Variants in CAPN7 observed in about 807,000 individuals in gnomAD.
CAPN7 encodes calpain-7.
A neutral mutation model predicts 115.2 loss-of-function variants in CAPN7; 72 were observed. The ratio of observed to expected loss-of-function variants is 0.63; its 90% confidence interval spans 0.52 to 0.76. The LOEUF (loss-of-function observed/expected upper bound fraction) is 0.76. Among genes scored for constraint, CAPN7 ranks in the 30% least tolerant of loss-of-function variants. The pLI is 0.00. For missense variants in CAPN7, 905 were observed against 971.5 expected, an observed-to-expected ratio of 0.93 and a Z score of 0.91; for synonymous variants, 344 against 322.3, an observed-to-expected ratio of 1.07 and a Z score of -0.72.
intron 4 of CAPN7, 53 bp from the exon 5 acceptor site, chr3:15,220,728 G>C: frequency 1.3e-6 from 2 of 1,552,836 alleles, no homozygotes; most frequent in South Asian, 1.1e-5. Flanking sequence ...TTCCTGAAAA[G>C]CTTAAATGTG....
intron 9 of CAPN7, among the ~76,000 whole-genome samples, chr3:15,231,367 C>G (rs1348854856): frequency 6.6e-6 from 1 of 152,134 alleles, no homozygotes; most frequent in Non-Finnish European, 1.5e-5. Flanking sequence ...AGAATACTCT[C>G]TGAGAGCCAT....
chr3:15,238,947 T>A (rs1459189970), intron 12 of CAPN7, among the ~76,000 whole-genome samples: 2 of 151,318 alleles, frequency 1.3e-5, no homozygotes, highest in African/African-American at 2.4e-5. Context: ...TATCTTGGTG[T>A]CCTTGAATAT....
At chr3:15,238,995 A>G (rs1695181897) in intron 12 of CAPN7, among the ~76,000 whole-genome samples, 2 of 151,988 alleles carry the variant, frequency 1.3e-5, no homozygotes, top group South Asian at 4.1e-4. Context: ...AAGCTTAGCA[A>G]CAATTTGCTC....
At chr3:15,210,461 A>C (rs946155928) in intron 1 of CAPN7, among the ~76,000 whole-genome samples, 3 of 150,290 alleles carry the variant, frequency 2.0e-5, no homozygotes, top group East Asian at 1.9e-4. Flanking sequence ...TAATGTTTAC[A>C]TGTAAAGTTA....
Position 15,240,583 on chromosome 3 carries a change from C to T in CAPN7, c.1518C>T (p.Asn506=), listed in dbSNP as rs1336650355. 6.2e-7 allele frequency: 1 copy of T among 1,611,908 alleles called. No individual in the cohort carries two copies. Among genetic ancestry groups the T allele is most frequent in the African/African-American group, 1.3e-5 (1 of 74,736 alleles). Residue 506 remains asparagine (N), a synonymous_variant, in exon 13 of 21, where the codon AAC becomes AAT. Coordinates refer to ENST00000253693, the MANE Select transcript of CAPN7 (RefSeq NM_014296.3). Reference sequence around the variant, plus strand: ...CTCCAGAGTTGCAAAAGTATTTAAACTTTGATCCCCGAACAGCTCAGAAAA... The same window carrying T: ...CTCCAGAGTTGCAAAAGTATTTAAATTTTGATCCCCGAACAGCTCAGAAAA... ...NWTPELQKYL[N]FDPRTAQKID...
intron 6 of CAPN7, among the ~76,000 whole-genome samples, chr3:15,225,884 T>A (rs1284412262): frequency 6.6e-6 from 1 of 152,128 alleles, no homozygotes; most frequent in Non-Finnish European, 1.5e-5. Flanking sequence ...TATTTTACTT[T>A]AGGAACAATC....
chr3:15,211,725 T>C (rs975469424), intron 1 of CAPN7, among the ~76,000 whole-genome samples: 4 of 151,784 alleles, frequency 2.6e-5, no homozygotes, highest in Non-Finnish European at 5.9e-5. Flanking sequence ...CAGAACCCAA[T>C]CTCTACTAAA....
intron 8 of CAPN7, 114 bp downstream of exon 8, chr3:15,229,173 C>T: frequency 1.5e-6 from 1 of 681,102 alleles, no homozygotes; most frequent in Non-Finnish European, 2.5e-6. Flanking sequence ...CAGAATATGG[C>T]CCTTCTGTAG....
Position 15,218,531 on chromosome 3 carries a change from C to A in CAPN7, c.428C>A (p.Ala143Glu). 1 of 1,612,026 alleles carries A rather than the reference C, an allele frequency of 6.2e-7. No homozygotes were observed. Among genetic ancestry groups the A allele is most frequent in the Non-Finnish European group, 8.5e-7 (1 of 1,178,194 alleles). ...AAACTGAAACAGTTGGCTCGACAGG[C>A]ACTAGACAGGTGAGTTTGATCTCTC... ...QNKLKQLARQALDRAEALSEP... is the reference protein window; with the variant it reads ...QNKLKQLARQELDRAEALSEP... Residue 143 changes from alanine (A) to glutamate (E), a missense_variant, in exon 4 of 21, where the codon GCA becomes GAA. Physicochemically the swap from Ala to Glu is moderately radical, Grantham distance 107. Coordinates refer to ENST00000253693, the MANE Select transcript of CAPN7 (RefSeq NM_014296.3).
At chr3:15,229,412 A>T (rs940222683) in intron 8 of CAPN7, among the ~76,000 whole-genome samples, 3 of 152,184 alleles carry the variant, frequency 2.0e-5, no homozygotes, top group Admixed American at 2.0e-4. Flanking sequence ...TTAAGAGGAG[A>T]TGCACTGCAA....
chr3:15,247,850 TAAAAAC>T (rs1695761418), intron 19 of CAPN7, among the ~76,000 whole-genome samples: 2 of 152,162 alleles, frequency 1.3e-5, no homozygotes, highest in African/African-American at 4.8e-5. Flanking sequence ...TTTTAAAAAA[TAAAAAC>T]ACATTCATGT....
intron 11 of CAPN7, among the ~76,000 whole-genome samples, chr3:15,234,823 A>C (rs1196031811): frequency 2.7e-5 from 4 of 149,692 alleles, no homozygotes; most frequent in Admixed American, 2.6e-4. Context: ...GTTTAGAATT[A>C]AGTTGCCAGA....
chr3:15,248,884 C>T (rs1365814776), intron 19 of CAPN7, among the ~76,000 whole-genome samples: 1 of 151,498 alleles, frequency 6.6e-6, no homozygotes, highest in East Asian at 1.9e-4. Flanking sequence ...TAGTCCCAGC[C>T]ACTTGGGAGG....
chr3:15,216,190 C>T (rs574106926), intron 2 of CAPN7, among the ~76,000 whole-genome samples: 4 of 152,260 alleles, frequency 2.6e-5, no homozygotes, highest in Admixed American at 2.6e-4. Context: ...GATGTAGCTC[C>T]ATGTTTAACT....
chr3:15,223,716 G>C (rs1008519777), intron 6 of CAPN7, among the ~76,000 whole-genome samples, 155 bp downstream of exon 6: 4 of 152,164 alleles, frequency 2.6e-5, no homozygotes. Context: ...CATAGCAAGA[G>C]CACTTTTGTT....
chr3:15,210,782 A>C, intron 1 of CAPN7: 1 of 1,289,202 alleles, frequency 7.8e-7, no homozygotes, highest in Non-Finnish European at 1.0e-6. Context: ...TGAAAACTGC[A>C]CTTTTCTTAA....
chr3:15,235,115 A>G lies in CAPN7; in HGVS notation c.1377A>G (p.Ala459=), dbSNP rs756067868. 4 of 1,612,752 alleles carry G rather than the reference A, an allele frequency of 2.5e-6. No homozygotes were observed. The highest frequency in any genetic ancestry group is 3.4e-6 in the Non-Finnish European group (4 of 1,179,562). Residue 459 remains alanine, a synonymous_variant, in exon 12 of 21, where the codon GCA becomes GCG. Coordinates refer to ENST00000253693, the MANE Select transcript of CAPN7 (RefSeq NM_014296.3). ...GEKWGLVPTH[A]YAVLDIREFK... ...AGTGGGGTCTGGTTCCCACACACGC[A>G]TATGCTGTTTTGGATATTAGAGAGT...
At chr3:15,219,316 A>G (rs192396931) in intron 4 of CAPN7, among the ~76,000 whole-genome samples, 57 of 152,258 alleles carry the variant, frequency 3.7e-4, no homozygotes, top group Admixed American at 3.1e-3. Flanking sequence ...AAGGGTGGAA[A>G]TTGCTTTTAT....
chr3:15,214,356 A>G (rs992783016), intron 2 of CAPN7, among the ~76,000 whole-genome samples: 7 of 152,232 alleles, frequency 4.6e-5, no homozygotes, highest in African/African-American at 9.6e-5. Context: ...TTAAAACAAG[A>G]TAGTCTGCTG....
Sources: gnomAD v4.1 joint callset for allele counts (sites outside exome capture counted in the v4.1 genomes callset) on GRCh38, gnomAD v4.1.1 for gene constraint, MANE v1.5 for transcripts, NCBI Gene and HGNC (gene_info 2026-07-23, HGNC 2026-07-21) for gene names.